CACNA2D3: variants seen among roughly 807,000 people sequenced by gnomAD.
The protein encoded by CACNA2D3 is voltage-dependent calcium channel subunit alpha-2/delta-3.
Under a neutral mutation model 160.6 loss-of-function variants are expected in CACNA2D3, and 60 were observed. The ratio of observed to expected loss-of-function variants is 0.37; its 90% CI spans 0.30 to 0.46. The LOEUF is 0.46. Ranked by LOEUF, CACNA2D3 falls within the 20% of genes least tolerant of loss-of-function variation. The probability of loss-of-function intolerance (pLI) is 1.00; values close to 1 mark genes in which losing one functional copy is unlikely to be tolerated. For synonymous variants in CACNA2D3, 558 were observed against 492.9 expected, an observed-to-expected ratio of 1.13 and a Z score of -1.75; for missense variants, 1,205 against 1,365.0, an observed-to-expected ratio of 0.88 and a Z score of 1.85.
chr3:54,640,510 T>A (rs539678780), intron 10 of CACNA2D3, among the ~76,000 whole-genome samples: 47 of 152,302 alleles, frequency 3.1e-4, no homozygotes, highest in African/African-American at 1.1e-3. Context: ...GCAACCATAT[T>A]CAGTCACTCT....
chr3:54,227,686 C>G (rs1701700219), intron 2 of CACNA2D3, among the ~76,000 whole-genome samples: 1 of 152,026 alleles, frequency 6.6e-6, no homozygotes, highest in South Asian at 2.1e-4. Context: ...TCCCGAGTAG[C>G]TGGGATTACA....
intron 11 of CACNA2D3, among the ~76,000 whole-genome samples, chr3:54,719,986 C>A (rs1701140164): frequency 6.6e-6 from 1 of 151,782 alleles, no homozygotes; most frequent in African/African-American, 2.4e-5. Context: ...ATCTGTAGGG[C>A]CCTTCTTTTT....
chr3:54,736,007 G>GTA lies in CACNA2D3; in HGVS notation c.1168-16583_1168-16582dup, dbSNP rs1170507057. On this transcript the variant is annotated intron_variant, in intron 11 of 37. Coordinates refer to ENST00000474759, the MANE Select transcript of CACNA2D3 (RefSeq NM_018398.3). ...TATATATATATACATATATATATAT[G>GTA]TATATATATACACATACATATATAT... Among the ~76,000 whole-genome samples the GTA allele has an allele frequency of 1.2e-3, 107 of 90,902 alleles. 9 individuals carry two copies. The highest frequency in any genetic ancestry group is 2.7e-3 in the African/African-American group (56 of 20,918). 59.6% of individuals were successfully genotyped at this position (90,902 alleles called of 152,430 possible).
intron 31 of CACNA2D3, among the ~76,000 whole-genome samples, chr3:55,000,401 G>C (rs915013412): frequency 2.6e-5 from 4 of 152,096 alleles, no homozygotes; most frequent in African/African-American, 9.7e-5. Context: ...TTTTGAAATA[G>C]AGGAGTGGGG....
chr3:54,334,916 C>G (rs1433555691), intron 3 of CACNA2D3, among the ~76,000 whole-genome samples: 2 of 152,202 alleles, frequency 1.3e-5, no homozygotes, highest in Non-Finnish European at 2.9e-5. Context: ...GCTGAATAAT[C>G]TTGCCCGATT....
intron 11 of CACNA2D3, among the ~76,000 whole-genome samples, chr3:54,661,846 A>ATGTG (rs869104703): frequency 0.013 from 218 of 16,424 alleles, no homozygotes; most frequent in African/African-American, 0.053. Flanking sequence ...GGATGTGTGT[A>ATGTG]TGTGTGTGTG....
At chr3:54,907,746 C>T (rs1321835657) in intron 27 of CACNA2D3, among the ~76,000 whole-genome samples, 2 of 152,126 alleles carry the variant, frequency 1.3e-5, no homozygotes, top group Non-Finnish European at 2.9e-5. Flanking sequence ...TCGCAAACTA[C>T]AGCTCTAGGA....
At chr3:54,896,622 T>C in intron 25 of CACNA2D3, 127 bp from the exon 26 acceptor site, 1 of 1,108,946 alleles carries the variant, frequency 9.0e-7, no homozygotes, top group African/African-American at 1.5e-5. Flanking sequence ...CCCTCTATAC[T>C]GAGAAAGGCA....
chr3:54,593,473 G>C (rs1702898891), intron 9 of CACNA2D3, among the ~76,000 whole-genome samples: 1 of 151,252 alleles, frequency 6.6e-6, no homozygotes, highest in South Asian at 2.1e-4. Flanking sequence ...AGGGAGGGAA[G>C]GAAGGTGAAG....
At chr3:54,451,229 C>CTTTT (rs71074970) in intron 4 of CACNA2D3, among the ~76,000 whole-genome samples, 3,366 of 51,740 alleles carry the variant, frequency 0.065, 1,041 homozygotes, top group African/African-American at 0.073. Flanking sequence ...ATATAATAAT[C>CTTTT]TTTTTTTTTT....
intron 16 of CACNA2D3, among the ~76,000 whole-genome samples, chr3:54,840,818 G>T (rs1698803455): frequency 6.6e-6 from 1 of 150,406 alleles, no homozygotes; most frequent in Non-Finnish European, 1.5e-5. Flanking sequence ...CACCTCCTGG[G>T]TTCACGCCAT....
intron 3 of CACNA2D3, among the ~76,000 whole-genome samples, chr3:54,374,904 A>AT (rs63100161): frequency 0.06 from 9,123 of 152,202 alleles, 337 homozygotes; most frequent in Middle Eastern, 0.11. Flanking sequence ...AATCAATAAT[A>AT]TTTGGTCTCC....
intron 29 of CACNA2D3, among the ~76,000 whole-genome samples, chr3:54,976,539 T>C (rs1702395876): frequency 1.3e-5 from 2 of 152,154 alleles, no homozygotes; most frequent in African/African-American, 4.8e-5. Context: ...AGAGAAAAAT[T>C]CCCTGCTTGA....
rs912455967 is a variant in CACNA2D3, at chr3:55,050,446, G to T, written c.2988-22999G>T. Among the ~76,000 whole-genome samples, 20 of 151,332 alleles carry T rather than the reference G, an allele frequency of 1.3e-4. 1 individual carries two copies. The South Asian group carries it at 3.8e-3, about 29-fold the overall frequency. On this transcript the variant is annotated intron_variant, in intron 35 of 37. Coordinates refer to ENST00000474759, the MANE Select transcript of CACNA2D3 (RefSeq NM_018398.3). Reference sequence around the variant, plus strand: ...GAATATTGGCCCCCACTCTCTTCTGGCTTGTAGAGTTTCTGCCGAGAGATC... The same window carrying T: ...GAATATTGGCCCCCACTCTCTTCTGTCTTGTAGAGTTTCTGCCGAGAGATC...
intron 31 of CACNA2D3, among the ~76,000 whole-genome samples, chr3:54,995,003 C>T (rs1261576377): frequency 1.3e-5 from 2 of 151,940 alleles, no homozygotes; most frequent in East Asian, 1.9e-4. Context: ...GATGGAGTTT[C>T]GCTCTTGTCA....
intron 27 of CACNA2D3, among the ~76,000 whole-genome samples, chr3:54,908,537 G>A (rs892919697): frequency 6.6e-6 from 1 of 152,096 alleles, no homozygotes; most frequent in African/African-American, 2.4e-5. Flanking sequence ...GCAACATGGT[G>A]AAACACCACC....
At chr3:54,318,693 CTTTTTTTT>C in intron 2 of CACNA2D3, among the ~76,000 whole-genome samples, 1 of 129,770 alleles carries the variant, frequency 7.7e-6, no homozygotes, top group South Asian at 2.6e-4. Flanking sequence ...AGAGGAGTAT[CTTTTTTTT>C]TTTTTTTTTC....
intron 2 of CACNA2D3, among the ~76,000 whole-genome samples, chr3:54,214,727 C>T (rs1488474477): frequency 6.6e-6 from 1 of 152,180 alleles, no homozygotes; most frequent in Non-Finnish European, 1.5e-5. Flanking sequence ...TATCCCTGTC[C>T]TGTGCCAGTG....
In CACNA2D3 at chr3:54,135,188, G is replaced by C. The variant is rs566644948; in HGVS notation, c.204+11594G>C. Among the ~76,000 whole-genome samples, 12 of 152,222 alleles carry C rather than the reference G, an allele frequency of 7.9e-5. No individual in the cohort carries two copies. The South Asian group carries it at 2.3e-3, about 29-fold the overall frequency. ...TCTCGGGGAGCTGCTTCTTTAGTTT[G>C]TTTATTTGTTGTTTATATCACCGGG... On this transcript the variant is annotated intron_variant, in intron 2 of 37. Transcript: ENST00000474759.
Sources: gnomAD v4.1 joint callset for allele counts (sites outside exome capture counted in the v4.1 genomes callset) on GRCh38, gnomAD v4.1.1 for gene constraint, MANE v1.5 for transcripts, NCBI Gene and HGNC (gene_info 2026-07-23, HGNC 2026-07-21) for gene names.